The following BANK1 variants were observed in gnomAD, a reference collection of about 807,000 sequenced individuals.
The protein encoded by BANK1 is B cell scaffold protein with ankyrin repeats 1.
In BANK1, 95 loss-of-function variants were observed where a neutral mutation model predicts 94.5. That is an observed-to-expected ratio of 1.00 (90% CI 0.85 to 1.19). The LOEUF is 1.19. BANK1 is among the 50% of genes most tolerant of loss of function. BANK1 has a pLI of 0.00. For synonymous variants in BANK1, 334 were observed against 308.4 expected (o/e 1.08, Z -0.87); for missense variants, 987 against 932.2 (o/e 1.06, Z -0.77).
At chr4:101,803,390 C>T (rs1004529453) in intron 1 of BANK1, among the ~76,000 whole-genome samples, 3 of 152,102 alleles carry the variant, frequency 2.0e-5, no homozygotes, top group Non-Finnish European at 4.4e-5. Context: ...AGTAGTGGGG[C>T]ACACACAATT....
intron 1 of BANK1, among the ~76,000 whole-genome samples, chr4:101,818,871 TA>T (rs987128040): frequency 2.3e-5 from 3 of 129,576 alleles, no homozygotes; most frequent in African/African-American, 5.8e-5. Context: ...AAGATTACTG[TA>T]TTTTTTTTTT....
rs770707288 is a variant in BANK1 at position 102,060,351 on chromosome 4, T to C, written c.2110T>C (p.Trp704Arg). Residue 704 changes from tryptophan (W) to arginine (R), a missense_variant, in exon 12 of 17, where the codon TGG becomes CGG. Transcript: ENST00000322953. ...MDEALEKFKH[W>R]QMGKSGLEMI... ...TGAAGCTCTGGAGAAATTTAAACAC[T>C]GGCAGATGGGAAAAAGTGGCCTGGA... 6.2e-7 allele frequency: 1 copy of C among 1,610,196 alleles called. No individual in the cohort carries two copies. Among genetic ancestry groups the C allele is most frequent in the South Asian group, 1.1e-5 (1 of 90,218 alleles).
intron 6 of BANK1, among the ~76,000 whole-genome samples, chr4:101,914,889 G>A (rs1722780260): frequency 6.6e-6 from 1 of 152,116 alleles, no homozygotes; most frequent in African/African-American, 2.4e-5. Flanking sequence ...CACAAAAACT[G>A]TGACAGTTGT....
intron 7 of BANK1, among the ~76,000 whole-genome samples, chr4:101,961,616 G>C (rs1045868426): frequency 6.6e-6 from 1 of 151,998 alleles, no homozygotes; most frequent in East Asian, 1.9e-4. Context: ...TTTTTTAGTC[G>C]TTTATTTTAA....
Position 101,918,177 on chromosome 4 carries a change from C to T in BANK1, c.1194C>T (p.Phe398=), listed in dbSNP as rs200345214. The T allele has an allele frequency of 8.6e-5, 135 of 1,565,240 alleles. No homozygotes were observed. Among genetic ancestry groups the T allele is most frequent in the Non-Finnish European group, 1.0e-4 (116 of 1,153,344 alleles). ...RHGHKELKKI[F]EDFSIQEIDI... is the part of the protein sequence containing the mutation. ...GTCACAAAGAACTCAAGAAAATCTT[C>T]GAAGACTTTTCAGTAAGTTTTTTTT... Residue 398 remains phenylalanine (F), a synonymous_variant, in exon 7 of 17, where the codon TTC becomes TTT. Transcript: ENST00000322953.
chr4:102,064,693 C>T (rs1395306), intron 13 of BANK1, among the ~76,000 whole-genome samples: 89,069 of 152,016 alleles, frequency 0.59, 26,353 homozygotes, highest in African/African-American at 0.62. Flanking sequence ...ACACTATTAC[C>T]AGGCAAATAT....
intron 1 of BANK1, among the ~76,000 whole-genome samples, chr4:101,803,763 C>T (rs543631039): frequency 2.6e-5 from 4 of 151,316 alleles, no homozygotes; most frequent in East Asian, 1.9e-4. Context: ...TTTGGGAGGC[C>T]GAGGCGGGCG....
chr4:102,063,426 T>C (rs1170678225), intron 13 of BANK1, among the ~76,000 whole-genome samples: 2 of 151,950 alleles, frequency 1.3e-5, no homozygotes, highest in Non-Finnish European at 2.9e-5. Context: ...TGATAAGTAT[T>C]TTATATGTTA....
intron 1 of BANK1, among the ~76,000 whole-genome samples, chr4:101,821,560 T>C (rs929812806): frequency 6.6e-6 from 1 of 152,234 alleles, no homozygotes; most frequent in Non-Finnish European, 1.5e-5. Context: ...CTAGGTTGTC[T>C]TCCAGGGTTT....
chr4:101,790,867 C>A lies in BANK1; in HGVS notation c.-14C>A, dbSNP rs1258392033. 1.3e-6 allele frequency: 2 copies of A among 1,536,788 alleles called. No homozygotes were observed. Among genetic ancestry groups the A allele is most frequent in the African/African-American group, 2.7e-5 (2 of 72,734 alleles). Reference sequence around the variant, plus strand: ...GGGCAGCAGTGCGCAGGCCCCTCGGCTTCAACCGCCACAATGCTGCCAGCA... The same window carrying A: ...GGGCAGCAGTGCGCAGGCCCCTCGGATTCAACCGCCACAATGCTGCCAGCA... On this transcript the variant is annotated 5_prime_UTR_variant, in exon 1 of 17. Coordinates refer to ENST00000322953, the MANE Select transcript of BANK1 (RefSeq NM_017935.5).
At chr4:101,885,688 C>T (rs1162256547) in intron 5 of BANK1, among the ~76,000 whole-genome samples, 2 of 152,212 alleles carry the variant, frequency 1.3e-5, no homozygotes, top group Non-Finnish European at 2.9e-5. Flanking sequence ...TTCATGACCA[C>T]GGTCAATAAG....
At position 102,063,137 on chromosome 4, in the gene BANK1, TAGTA is replaced by T. The variant is rs761284171; in HGVS notation, c.2212+6_2212+9del. Reference sequence around the variant, plus strand: ...AAAGGCCAGAAGAAGAAAATGTCTATAGTAAGTAAGATTCGCCTGCTATTCAAAA... The same window carrying T: ...AAAGGCCAGAAGAAGAAAATGTCTATAGTAAGATTCGCCTGCTATTCAAAA... On this transcript the variant is annotated splice_donor_variant and splice_donor_region_variant and coding_sequence_variant and intron_variant, in exon 13 of 17. Coordinates refer to ENST00000322953, the MANE Select transcript of BANK1 (RefSeq NM_017935.5). LOFTEE classifies it high-confidence loss of function. The T allele has an allele frequency of 3.1e-6, 5 of 1,611,258 alleles. No homozygotes were observed. Among genetic ancestry groups the T allele is most frequent in the Non-Finnish European group, 4.2e-6 (5 of 1,177,614 alleles).
chr4:101,936,193 A>G (rs1016156458), intron 7 of BANK1, among the ~76,000 whole-genome samples: 1 of 147,632 alleles, frequency 6.8e-6, no homozygotes, highest in African/African-American at 2.5e-5. Flanking sequence ...TATGATATAT[A>G]TATTTTTTAT....
intron 11 of BANK1, among the ~76,000 whole-genome samples, chr4:102,055,684 T>C (rs539022699): frequency 6.6e-6 from 1 of 152,198 alleles, no homozygotes; most frequent in Non-Finnish European, 1.5e-5. Flanking sequence ...AATATTAGTT[T>C]GGCGACATCA....
chr4:102,033,574 G>A (rs528955907), intron 10 of BANK1, among the ~76,000 whole-genome samples: 5 of 152,270 alleles, frequency 3.3e-5, no homozygotes, highest in South Asian at 4.1e-4. Flanking sequence ...ATATGCACAC[G>A]TAGAAACATT....
At chr4:102,018,809 T>A (rs1388421112) in intron 7 of BANK1, among the ~76,000 whole-genome samples, 1 of 148,540 alleles carries the variant, frequency 6.7e-6, no homozygotes, top group Non-Finnish European at 1.5e-5. Context: ...TTTCTTTTCT[T>A]TCTTTCTTTC....
At chr4:102,037,435 C>T (rs1727545725) in intron 10 of BANK1, among the ~76,000 whole-genome samples, 1 of 152,212 alleles carries the variant, frequency 6.6e-6, no homozygotes, top group Non-Finnish European at 1.5e-5. Flanking sequence ...CTATCCACAA[C>T]TACTGTCTTT....
At chr4:101,906,957 C>A (rs996202239) in intron 6 of BANK1, among the ~76,000 whole-genome samples, 2 of 152,182 alleles carry the variant, frequency 1.3e-5, no homozygotes, top group Non-Finnish European at 2.9e-5. Flanking sequence ...AATCAGGGGT[C>A]TCACAGCCTT....
At position 102,060,305 on chromosome 4, in the gene BANK1, G is replaced by T. The variant is rs748214974; in HGVS notation, c.2064G>T (p.Lys688Asn). The T allele has an allele frequency of 3.1e-6, 5 of 1,610,710 alleles. No homozygotes were observed. The South Asian group carries it at 5.5e-5, about 18-fold the overall frequency. The change falls in exon 12 of 17, where the codon AAG becomes AAT. Residue 688 changes from lysine (K) to asparagine (N), a missense_variant. By Grantham distance (94) the Lys-to-Asn change is moderately conservative (BLOSUM62 0). Transcript: ENST00000322953. Reference protein sequence around the residue: ...EELILLQEKVKNGKMSMDEAL... With the variant: ...EELILLQEKVNNGKMSMDEAL... ...TCATCCTCCTGCAGGAGAAAGTAAAGAATGGGAAAATGTCTATGGATGAAG... is the reference window on the plus strand; with the variant it reads ...TCATCCTCCTGCAGGAGAAAGTAAATAATGGGAAAATGTCTATGGATGAAG...
Sources: gnomAD v4.1 joint callset for allele counts (sites outside exome capture counted in the v4.1 genomes callset) on GRCh38, gnomAD v4.1.1 for gene constraint, MANE v1.5 for transcripts, NCBI Gene and HGNC (gene_info 2026-07-23, HGNC 2026-07-21) for gene names.